The following MAPDA variants were observed in gnomAD, a reference collection of about 807,000 sequenced individuals.
MAPDA encodes N6-Methyl-AMP deaminase, also known as N6,N6-dimethyl-AMP deaminase.
the MAPDA span, among the ~76,000 whole-genome samples, chr15:43,350,148 C>T: frequency 6.6e-6 from 1 of 152,188 alleles, no homozygotes; most frequent in East Asian, 1.9e-4. Context: ...TCACTGCAAG[C>T]TCCACATCCT....
chr15:43,351,787 C>T, the MAPDA span: 3 of 1,551,258 alleles, frequency 1.9e-6, no homozygotes, highest in Non-Finnish European at 2.6e-6. Flanking sequence ...ACACCTTTCT[C>T]AAGAGTACCA....
chr15:43,350,965 A>G, the MAPDA span: 1 of 1,551,706 alleles, frequency 6.4e-7, no homozygotes, highest in Non-Finnish European at 8.7e-7. Context: ...TCAAACGTCA[A>G]AAGTCAGACA....
At chr15:43,342,870 A>G in the MAPDA span, 6 of 653,244 alleles carry the variant, frequency 9.2e-6, no homozygotes, top group South Asian at 6.7e-5. Context: ...GTTTTCACTC[A>G]TCTTTAACTA....
the MAPDA span, chr15:43,348,852 A>G: frequency 6.4e-7 from 1 of 1,557,820 alleles, no homozygotes. Flanking sequence ...AGAAAAAAAT[A>G]CTCTTAAGAA....
the MAPDA span, among the ~76,000 whole-genome samples, chr15:43,331,028 A>G: frequency 6.6e-6 from 1 of 152,166 alleles, no homozygotes; most frequent in Non-Finnish European, 1.5e-5. Flanking sequence ...GCAAAAGAGA[A>G]CCCCATTTAA....
the MAPDA span, chr15:43,336,627 T>A: frequency 6.4e-7 from 1 of 1,567,964 alleles, no homozygotes; most frequent in Non-Finnish European, 8.6e-7. Context: ...ATGTTGCAGA[T>A]GTTTCCAGAT....
chr15:43,330,618 CT>C, the MAPDA span: 11 of 1,115,404 alleles, frequency 9.9e-6, 1 homozygote, highest in South Asian at 6.0e-5. Context: ...TCCGCCGGCA[CT>C]TGTGCGTCAC....
At chr15:43,345,271 T>C in the MAPDA span, among the ~76,000 whole-genome samples, 2 of 151,372 alleles carry the variant, frequency 1.3e-5, no homozygotes, top group South Asian at 2.1e-4. Context: ...GGAGAATCGC[T>C]TGGACCCGGG....
At chr15:43,351,590 A>C in the MAPDA span, 4 of 628,212 alleles carry the variant, frequency 6.4e-6, no homozygotes, top group East Asian at 2.8e-5. Context: ...AGTATAAATA[A>C]ATCTGTTTAG....
At chr15:43,351,173 GGGTGT>G in the MAPDA span, 1 of 841,972 alleles carries the variant, frequency 1.2e-6, no homozygotes, top group African/African-American at 1.7e-5. Context: ...GAAGGGACCG[GGGTGT>G]GGCTGAGTAT....
At chr15:43,341,818 C>A in the MAPDA span, among the ~76,000 whole-genome samples, 51 of 152,068 alleles carry the variant, frequency 3.4e-4, no homozygotes, top group Non-Finnish European at 6.6e-4. Flanking sequence ...CAGTAGTTAT[C>A]TCTGGGTGGT....
chr15:43,343,788 G>A, the MAPDA span, among the ~76,000 whole-genome samples: 1 of 151,628 alleles, frequency 6.6e-6, no homozygotes, highest in East Asian at 1.9e-4. Flanking sequence ...CATAGTATGG[G>A]CTCAGTAAAG....
the MAPDA span, chr15:43,351,003 G>T: frequency 1.7e-5 from 27 of 1,551,392 alleles, no homozygotes; most frequent in Non-Finnish European, 2.3e-5. Context: ...GCACCATTTC[G>T]GATTCTGGTA....
At chr15:43,346,071 A>G in the MAPDA span, 7 of 1,536,472 alleles carry the variant, frequency 4.6e-6, no homozygotes, top group Non-Finnish European at 6.2e-6. Context: ...TGCATTCTCC[A>G]GAGTGTCCAA....
At chr15:43,349,157 C>A in the MAPDA span, 1 of 1,524,422 alleles carries the variant, frequency 6.6e-7, no homozygotes, top group Non-Finnish European at 8.8e-7. Flanking sequence ...TGTCATCTAG[C>A]TATTAAAAGA....
the MAPDA span, chr15:43,330,381 A>G: frequency 1.5e-5 from 24 of 1,604,874 alleles, 1 homozygote; most frequent in Admixed American, 3.5e-4. Flanking sequence ...AACGCGGCAA[A>G]GGGGTCCTGC....
At chr15:43,348,880 T>G in the MAPDA span, 2 of 1,607,980 alleles carry the variant, frequency 1.2e-6, no homozygotes, top group Admixed American at 3.4e-5. Flanking sequence ...AAGAGGCCAT[T>G]GATCCCCTTT....
the MAPDA span, chr15:43,335,570 TA>T: frequency 9.0e-7 from 1 of 1,112,920 alleles, no homozygotes; most frequent in Non-Finnish European, 1.2e-6. Context: ...GCAAAATTTG[TA>T]AACTTTATTA....
At chr15:43,335,649 A>C in the MAPDA span, 1 of 1,557,198 alleles carries the variant, frequency 6.4e-7, no homozygotes, top group East Asian at 2.3e-5. Flanking sequence ...GTAAGATGCT[A>C]TGAATCTATT....
Sources: gnomAD v4.1 joint callset for allele counts (sites outside exome capture counted in the v4.1 genomes callset) on GRCh38, gnomAD v4.1.1 for gene constraint, MANE v1.5 for transcripts, NCBI Gene and HGNC (gene_info 2026-07-23, HGNC 2026-07-21) for gene names.